Variants in BICD1 observed in about 807,000 individuals in gnomAD.
BICD1 encodes the protein protein bicaudal D homolog 1.
A neutral mutation model predicts 92.5 loss-of-function variants in BICD1; 35 were observed. That is an observed-to-expected ratio of 0.38 (90% CI 0.29 to 0.50). The LOEUF is 0.50. Among genes scored for constraint, BICD1 ranks in the 20% least tolerant of loss-of-function variants. The pLI, the probability that BICD1 is intolerant of heterozygous loss-of-function variation, is 0.93. For missense variants in BICD1, 950 were observed against 1,189.8 expected, an observed-to-expected ratio of 0.80 and a Z score of 2.97; for synonymous variants, 429 against 465.1, an observed-to-expected ratio of 0.92 and a Z score of 1.00.
intron 1 of BICD1, among the ~76,000 whole-genome samples, chr12:32,164,063 C>G (rs1397612383): frequency 6.6e-6 from 1 of 152,222 alleles, no homozygotes; most frequent in African/African-American, 2.4e-5. Context: ...CAGCCTCCAT[C>G]TCCCGTGTGT....
At chr12:32,300,248 C>T (rs2136206879) in intron 3 of BICD1, among the ~76,000 whole-genome samples, 1 of 152,054 alleles carries the variant, frequency 6.6e-6, no homozygotes, top group Middle Eastern at 3.4e-3. Flanking sequence ...ACTACAGGCA[C>T]CCGCCACCAT....
intron 2 of BICD1, among the ~76,000 whole-genome samples, chr12:32,264,447 C>T (rs895543627): frequency 6.6e-5 from 10 of 152,140 alleles, no homozygotes; most frequent in African/African-American, 2.4e-4. Flanking sequence ...GAATTGATAA[C>T]ATTCTAACAT....
intron 1 of BICD1, among the ~76,000 whole-genome samples, chr12:32,118,335 C>T (rs970899999): frequency 6.6e-6 from 1 of 152,020 alleles, no homozygotes; most frequent in Non-Finnish European, 1.5e-5. Flanking sequence ...CCCGCCTCGG[C>T]CTCCCAAAGT....
In BICD1 at chr12:32,338,865, C is replaced by G. The variant is rs1938240864; in HGVS notation, c.2650C>G (p.Pro884Ala). The G allele has an allele frequency of 1.9e-6, 3 of 1,605,306 alleles. No individual in the cohort carries two copies. Among genetic ancestry groups the G allele is most frequent in the South Asian group, 2.2e-5 (2 of 89,416 alleles). ...CTACCTACAGAATTTATTAAGAGTT[C>G]CCCCTGATCCCACCTCCACAGAATC... ...ASYLQNLLRV[P>A]PDPTSTESFL... Residue 884 changes from proline to alanine, a missense_variant, in exon 8 of 10, where the codon CCC becomes GCC. Around this residue, in one of 5 missense-constraint regions of BICD1, gnomAD observed 179 missense variants for 186.7 expected, o/e 0.96. Transcript: ENST00000652176.
At chr12:32,302,767 A>T (rs1301844835) in intron 3 of BICD1, among the ~76,000 whole-genome samples, 1 of 152,106 alleles carries the variant, frequency 6.6e-6, no homozygotes, top group East Asian at 1.9e-4. Context: ...TTCATGGTAG[A>T]ACAATTAGCA....
chr12:32,138,948 A>G (rs1942818234), intron 1 of BICD1, among the ~76,000 whole-genome samples: 1 of 152,196 alleles, frequency 6.6e-6, no homozygotes, highest in African/African-American at 2.4e-5. Flanking sequence ...ATTCTTACAT[A>G]AGATTGAAGA....
chr12:32,211,090 C>T (rs1039461373), intron 1 of BICD1, among the ~76,000 whole-genome samples: 4 of 152,128 alleles, frequency 2.6e-5, no homozygotes, highest in African/African-American at 7.2e-5. Context: ...CTTCACCCTC[C>T]CTTTCTTAAA....
rs114209419 is a variant in BICD1 at position 32,340,993 on chromosome 12, A to G, written c.2764+2014A>G. Among the ~76,000 whole-genome samples, 291 of 152,322 alleles carry G rather than the reference A, an allele frequency of 1.9e-3. 2 individuals are homozygous for G. Among genetic ancestry groups the G allele is most frequent in the African/African-American group, 6.5e-3 (272 of 41,572 alleles). On this transcript the variant is annotated intron_variant, in intron 8 of 9. Coordinates refer to ENST00000652176, the MANE Select transcript of BICD1 (RefSeq NM_001714.4). ...GCTGTCAAGAAGGGTATATCAATGT[A>G]CTAAAAGCCCATAAAACACTTTCCC...
At chr12:32,242,754 A>C (rs145937673) in intron 2 of BICD1, among the ~76,000 whole-genome samples, 24 of 152,286 alleles carry the variant, frequency 1.6e-4, no homozygotes, top group African/African-American at 5.5e-4. Context: ...TCCTGTTTTT[A>C]AATCTACTGA....
At position 32,107,049 on chromosome 12, in the gene BICD1, T is replaced by C. The variant is rs1291858583; in HGVS notation, c.-283T>C. ...AGCCCGGGCCATGCCGCACGGCTGC[T>C]GACCGCACGCAGGGGCCGGCCCCGA... On this transcript the variant is annotated 5_prime_UTR_variant, in exon 1 of 10. The change abolishes the stop of an existing upstream ORF in the 5' untranslated region. Coordinates refer to ENST00000652176, the MANE Select transcript of BICD1 (RefSeq NM_001714.4). The C allele has an allele frequency of 2.9e-5, 12 of 407,712 alleles. No individual in the cohort carries two copies. Among genetic ancestry groups the C allele is most frequent in the Non-Finnish European group, 4.9e-5 (11 of 223,990 alleles). The allele number at this position is 407,712 out of a possible 1,614,324, so 25.3% of individuals were successfully genotyped here.
chr12:32,236,450 G>T lies in BICD1; in HGVS notation c.426+19991G>T, dbSNP rs147620871. Among the ~76,000 whole-genome samples the T allele has an allele frequency of 8.1e-4, 124 of 152,174 alleles. 1 individual carries two copies. The East Asian group carries it at 0.018, about 22-fold the overall frequency. ...TACTTAATCCATAAATGTTGTATGT[G>T]TTCTGAGTGCTCCACCCACCAGCTA... On this transcript the variant is annotated intron_variant, in intron 2 of 9. Transcript: ENST00000652176.
chr12:32,142,143 G>A (rs1032973112), intron 1 of BICD1, among the ~76,000 whole-genome samples: 4 of 152,072 alleles, frequency 2.6e-5, no homozygotes, highest in African/African-American at 4.8e-5. Context: ...TGATGGCTCA[G>A]GCCTGTAATC....
chr12:32,142,344 T>G (rs558151673), intron 1 of BICD1, among the ~76,000 whole-genome samples: 42 of 139,082 alleles, frequency 3.0e-4, no homozygotes, highest in Non-Finnish European at 5.3e-4. Flanking sequence ...AGGCAGAGGT[T>G]GCAGTGAGCT....
At chr12:32,157,036 A>G (rs1370481127) in intron 1 of BICD1, among the ~76,000 whole-genome samples, 4 of 152,224 alleles carry the variant, frequency 2.6e-5, no homozygotes, top group Non-Finnish European at 4.4e-5. Context: ...TGCCTGGGAT[A>G]TAATTACTGG....
chr12:32,315,694 G>A (rs563512589), intron 4 of BICD1, among the ~76,000 whole-genome samples: 7 of 152,150 alleles, frequency 4.6e-5, no homozygotes, highest in East Asian at 1.9e-4. Flanking sequence ...GTGAATGTTC[G>A]TCTAGACTTT....
intron 1 of BICD1, among the ~76,000 whole-genome samples, chr12:32,116,438 C>T (rs1368669914): frequency 6.7e-6 from 1 of 148,272 alleles, no homozygotes; most frequent in Non-Finnish European, 1.5e-5. Context: ...ATGTCTCTGT[C>T]TCTGTCTGTC....
intron 8 of BICD1, chr12:32,353,262 C>A (rs1230599188): frequency 6.6e-6 from 1 of 152,082 alleles, no homozygotes; most frequent in African/African-American, 2.4e-5. Flanking sequence ...TAAGCATCTT[C>A]TGTAAACTTA....
intron 9 of BICD1, among the ~76,000 whole-genome samples, chr12:32,372,555 A>G (rs1485298271): frequency 6.6e-6 from 1 of 152,210 alleles, no homozygotes; most frequent in Non-Finnish European, 1.5e-5. Flanking sequence ...TGATTTTTTA[A>G]TAAAAGAGCA....
intron 2 of BICD1, among the ~76,000 whole-genome samples, chr12:32,266,555 T>C: frequency 6.6e-6 from 1 of 152,160 alleles, no homozygotes; most frequent in African/African-American, 2.4e-5. Context: ...GCAAAATGCA[T>C]GGTCTCAAAT....
Sources: allele counts gnomAD v4.1 joint callset (sites outside exome capture counted in the v4.1 genomes callset), GRCh38; gene constraint gnomAD v4.1.1; regional missense constraint gnomAD v4.1.1; transcripts MANE v1.5; gene names NCBI Gene and HGNC (gene_info 2026-07-23, HGNC 2026-07-21).